Variants in CCNI2 observed in about 807,000 individuals in gnomAD.
CCNI2 encodes cyclin I family member 2, also known as cyclin-I2.
A neutral mutation model predicts 33.2 loss-of-function variants in CCNI2; 32 were observed. That is an observed-to-expected ratio of 0.96 (90% CI 0.73 to 1.30). The LOEUF (loss-of-function observed/expected upper bound fraction) is 1.30, where lower values mean the gene tolerates loss of function less well. CCNI2 is among the 50% of genes most tolerant of loss of function. The pLI is 0.00. For missense variants in CCNI2, 452 were observed against 486.2 expected, an observed-to-expected ratio of 0.93 and a Z score of 0.66; for synonymous variants, 231 against 219.9, an observed-to-expected ratio of 1.05 and a Z score of -0.45.
At chr5:132,750,551 T>C (rs1177378713) in intron 3 of CCNI2, among the ~76,000 whole-genome samples, 2 of 152,170 alleles carry the variant, frequency 1.3e-5, no homozygotes, top group African/African-American at 2.4e-5. Context: ...GGGTGAGTTC[T>C]TGCAGCTGAA....
At chr5:132,751,926 T>C (rs2149939758) in intron 4 of CCNI2, 40 bp from the exon 5 acceptor site, 2 of 1,561,922 alleles carry the variant, frequency 1.3e-6, no homozygotes, top group East Asian at 2.3e-5. Flanking sequence ...AGGAAAAGTA[T>C]GGCGTTTTCT....
rs1030401376 is a variant in CCNI2, at chr5:132,747,443, G to A, written c.-53G>A. The A allele has an allele frequency of 8.7e-6, 12 of 1,376,300 alleles. No homozygotes were observed. The highest frequency in any genetic ancestry group is 1.5e-5 in the African/African-American group (1 of 65,576). The allele number at this position is 1,376,300 out of a possible 1,614,324, so 85.3% of individuals were successfully genotyped here. A position where few individuals can be genotyped will look rare whatever the true frequency, so the allele number is the denominator to read the frequency against. On this transcript the variant is annotated 5_prime_UTR_variant, in exon 1 of 6. Transcript: ENST00000378731. The surrounding 1 kb of genome is among the most constrained non-coding windows in gnomAD (Gnocchi z 4.1). The stretch of plus-strand genomic sequence containing the variant: ...CAGGCTGCAGTGTTCCGGGAGCTGG[G>A]TTATAAAATGCCGGGTTAAGCGGCA...
Position 132,752,895 on chromosome 5 carries a change from G to GCT in CCNI2, c.1035_1036insCT (p.Glu346LeufsTer4). ...GTGATATGCAGTACAGCTGCTGCAA[G>GCT]GAACTTGTAATGCAGCAACTGAGAA... On this transcript the variant is annotated frameshift_variant, in exon 6 of 6. Coordinates refer to ENST00000378731, the MANE Select transcript of CCNI2 (RefSeq NM_001039780.4). LOFTEE classifies it high-confidence loss of function. 6.2e-7 allele frequency: 1 copy of GCT among 1,614,092 alleles called. No homozygotes were observed. The highest frequency in any genetic ancestry group is 8.5e-7 in the Non-Finnish European group (1 of 1,180,002).
intron 3 of CCNI2, 51 bp downstream of exon 3, chr5:132,749,473 T>C: frequency 6.8e-7 from 1 of 1,464,298 alleles, no homozygotes; most frequent in South Asian, 1.1e-5. Context: ...TATAGGGGTG[T>C]AACATTGGAG....
At chr5:132,748,266 A>C in intron 1 of CCNI2, 81 bp from the exon 2 acceptor site, 2 of 1,559,362 alleles carry the variant, frequency 1.3e-6, no homozygotes, top group South Asian at 1.2e-5. Flanking sequence ...CCCGCACCTT[A>C]AGCAGGAGGC....
In CCNI2 at chr5:132,751,968, C is replaced by G; in HGVS notation, c.777C>G (p.Phe259Leu). ...IGTPLDFLTIFHALVVLSWPH... is the reference protein window; with the variant it reads ...IGTPLDFLTILHALVVLSWPH... ...ACATTAAAAACCATGGTCTCCAGTT[C>G]CATGCCCTGGTGGTCCTGAGCTGGC... The change falls in exon 5 of 6, where the codon TTC becomes TTG. Residue 259 changes from phenylalanine (F) to leucine (L), a missense_variant and splice_region_variant. Phe to Leu is a conservative substitution (Grantham distance 22, BLOSUM62 0). Transcript: ENST00000378731. 6.2e-7 allele frequency: 1 copy of G among 1,609,422 alleles called. No homozygotes were observed. Among genetic ancestry groups the G allele is most frequent in the Middle Eastern group, 1.7e-4 (1 of 6,048 alleles).
chr5:132,751,852 G>A (rs1176140134), intron 4 of CCNI2, 114 bp from the exon 5 acceptor site: 22 of 1,270,206 alleles, frequency 1.7e-5, no homozygotes, highest in Admixed American at 4.2e-5. Context: ...AATGAAAAGG[G>A]TTGGGCAACA....
chr5:132,747,996 G>C lies in CCNI2; in HGVS notation c.429+72G>C, dbSNP rs77050987. The C allele has an allele frequency of 1.5e-4, 197 of 1,331,512 alleles. No homozygotes were observed. The highest frequency in any genetic ancestry group is 1.4e-3 in the Middle Eastern group (5 of 3,628). 82.5% of individuals were successfully genotyped at this position (1,331,512 alleles called of 1,614,324 possible). On this transcript the variant is annotated intron_variant, in intron 1 of 5. Transcript: ENST00000378731. The surrounding 1 kb of genome is among the most constrained non-coding windows in gnomAD (Gnocchi z 4.1). The stretch of plus-strand genomic sequence containing the variant: ...GGATGTGGCCTCCACCTGCACCCGC[G>C]CTCGGGTGTTCTGAAACTGGAGGCC...
At chr5:132,750,410 A>T (rs964830403) in intron 3 of CCNI2, among the ~76,000 whole-genome samples, 1 of 152,208 alleles carries the variant, frequency 6.6e-6, no homozygotes, top group Non-Finnish European at 1.5e-5. Context: ...TAAAAAACCC[A>T]TAGGAGGTTT....
intron 5 of CCNI2, 96 bp from the exon 6 acceptor site, chr5:132,752,770 T>C: frequency 9.6e-7 from 1 of 1,043,778 alleles, no homozygotes. Flanking sequence ...TGGACCTTCC[T>C]GAACTTGCTT....
chr5:132,748,199 G>C, intron 1 of CCNI2, 148 bp from the exon 2 acceptor site: 3 of 1,157,282 alleles, frequency 2.6e-6, no homozygotes, highest in South Asian at 1.6e-5. Flanking sequence ...CCGCTGCGCC[G>C]GGGGGCGCTT....
Position 132,748,429 on chromosome 5 carries a change from T to C in CCNI2, c.512T>C (p.Phe171Ser). ...ACCTTTTACTTCTCCCAGTCCACTT[T>C]TAACCTGGCCCTCACCATCTTTGGC... Reference protein sequence around the residue: ...QNTFYFSQSTFNLALTIFGRL... With the variant: ...QNTFYFSQSTSNLALTIFGRL... Residue 171 changes from phenylalanine (F) to serine (S), a missense_variant, in exon 2 of 6, where the codon TTT becomes TCT. Phe to Ser is a radical substitution (Grantham distance 155). Coordinates refer to ENST00000378731, the MANE Select transcript of CCNI2 (RefSeq NM_001039780.4). 1 of 1,614,178 alleles carries C rather than the reference T, an allele frequency of 6.2e-7. No individual in the cohort carries two copies. The highest frequency in any genetic ancestry group is 8.5e-7 in the Non-Finnish European group (1 of 1,180,024).
Position 132,747,994 on chromosome 5 carries a change from G to A in CCNI2, c.429+70G>A. On this transcript the variant is annotated intron_variant, in intron 1 of 5. Coordinates refer to ENST00000378731, the MANE Select transcript of CCNI2 (RefSeq NM_001039780.4). The surrounding 1 kb of genome is among the most constrained non-coding windows in gnomAD (Gnocchi z 4.1). Reference sequence around the variant, plus strand: ...GCGGATGTGGCCTCCACCTGCACCCGCGCTCGGGTGTTCTGAAACTGGAGG... The same window carrying A: ...GCGGATGTGGCCTCCACCTGCACCCACGCTCGGGTGTTCTGAAACTGGAGG... 1.5e-6 allele frequency: 2 copies of A among 1,332,498 alleles called. No homozygotes were observed. Among genetic ancestry groups the A allele is most frequent in the African/African-American group, 1.5e-5 (1 of 65,076 alleles). The allele number at this position is 1,332,498 out of a possible 1,614,324, so 82.5% of individuals were successfully genotyped here. A position where few individuals can be genotyped will look rare whatever the true frequency, so the allele number is the denominator to read the frequency against.
At chr5:132,748,562 C>A in intron 2 of CCNI2, 87 bp downstream of exon 2, 1 of 1,535,532 alleles carries the variant, frequency 6.5e-7, no homozygotes, top group East Asian at 2.3e-5. Flanking sequence ...GTGAGGGTTT[C>A]CAGATGCTCA....
intron 1 of CCNI2, 142 bp from the exon 2 acceptor site, chr5:132,748,205 C>A: frequency 8.4e-7 from 1 of 1,195,228 alleles, no homozygotes; most frequent in Non-Finnish European, 1.1e-6. Flanking sequence ...CGCCGGGGGG[C>A]GCTTACTCCC....
In CCNI2 at chr5:132,752,071, A is replaced by G; in HGVS notation, c.880A>G (p.Met294Val). ...CCTGACCAGGCAGCTGCAGCACTGTATGGCGGGCCACCAGCTGCTGCAGTT... is the reference window on the plus strand; with the variant it reads ...CCTGACCAGGCAGCTGCAGCACTGTGTGGCGGGCCACCAGCTGCTGCAGTT... ...ASLTRQLQHCMAGHQLLQFKG... is the reference protein window; with the variant it reads ...ASLTRQLQHCVAGHQLLQFKG... Residue 294 changes from methionine (M) to valine (V), a missense_variant, in exon 5 of 6, where the codon ATG (methionine) becomes GTG (valine). By Grantham distance (21) the Met-to-Val change is conservative. Coordinates refer to ENST00000378731, the MANE Select transcript of CCNI2 (RefSeq NM_001039780.4). 6.2e-7 allele frequency: 1 copy of G among 1,606,792 alleles called. No homozygotes were observed. Among genetic ancestry groups the G allele is most frequent in the African/African-American group, 1.3e-5 (1 of 74,922 alleles).
rs1192078740 is a variant in CCNI2 at position 132,750,894 on chromosome 5, G to A, written c.671G>A (p.Gly224Asp). 6.2e-7 allele frequency: 1 copy of A among 1,614,202 alleles called. No individual in the cohort carries two copies. The highest frequency in any genetic ancestry group is 8.5e-7 in the Non-Finnish European group (1 of 1,180,020). ...GTAAAAGACTTCACAAAGCACTATG[G>A]CTCTGACTATTCCCCGAATGAGCTG... is the stretch of plus-strand genomic sequence containing the variant. ...PQVKDFTKHY[G>D]SDYSPNELLR... Residue 224 changes from glycine to aspartate, a missense_variant, in exon 4 of 6, where the codon GGC becomes GAC. By Grantham distance (94) the Gly-to-Asp change is moderately conservative (BLOSUM62 -1). Coordinates refer to ENST00000378731, the MANE Select transcript of CCNI2 (RefSeq NM_001039780.4).
chr5:132,754,710 C>G (rs943537859), downstream of CCNI2, among the ~76,000 whole-genome samples: 2 of 152,224 alleles, frequency 1.3e-5, no homozygotes, highest in Admixed American at 6.5e-5. Context: ...CAGGTCCCAT[C>G]CTACTTCCCT....
chr5:132,751,769 T>G (rs1272926450), intron 4 of CCNI2, 197 bp from the exon 5 acceptor site: 1 of 623,218 alleles, frequency 1.6e-6, no homozygotes. Context: ...TTTTTTTTGG[T>G]CCCGGAGTGG....
Sources: allele counts gnomAD v4.1 joint callset (sites outside exome capture counted in the v4.1 genomes callset), GRCh38; gene constraint gnomAD v4.1.1; non-coding constraint Gnocchi (gnomAD v3.1); transcripts MANE v1.5; gene names NCBI Gene and HGNC (gene_info 2026-07-23, HGNC 2026-07-21).